Variants in LGALS3BP observed in about 807,000 individuals in gnomAD.
The protein encoded by LGALS3BP is galectin-3-binding protein.
A neutral mutation model predicts 22.9 loss-of-function variants in LGALS3BP; 25 were observed. The observed-to-expected ratio is 1.09, with a 90% CI of 0.80 to 1.53. LGALS3BP has a LOEUF of 1.53. LGALS3BP is among the 40% of genes most tolerant of loss of function. The pLI, the probability that LGALS3BP is intolerant of heterozygous loss-of-function variation, is 0.00. For synonymous variants in LGALS3BP, 335 were observed against 331.1 expected (o/e 1.01, Z -0.13); for missense variants, 718 against 752.0 (o/e 0.95, Z 0.53).
rs1448106281 is a variant in LGALS3BP at position 78,973,549 on chromosome 17, C to T, written c.377-327G>A. ...TTGGTGGTACTGACTCCGGAGCCCCCACTCCCCAGCCTTGGTCACCAATCA... is the reference window on the plus strand; with the variant it reads ...TTGGTGGTACTGACTCCGGAGCCCCTACTCCCCAGCCTTGGTCACCAATCA... On this transcript the variant is annotated intron_variant, in intron 4 of 5. Coordinates refer to ENST00000262776, the MANE Select transcript of LGALS3BP (RefSeq NM_005567.4). This position sits in a 1 kb window ranked among gnomAD's most constrained non-coding sequence, Gnocchi z 5.8. Among the ~76,000 whole-genome samples the T allele has an allele frequency of 1.3e-5, 2 of 152,162 alleles. No individual in the cohort carries two copies. The highest frequency in any genetic ancestry group is 1.9e-4 in the East Asian group (1 of 5,182).
At position 78,978,344 on chromosome 17, in the gene LGALS3BP, C is replaced by T. The variant is rs530036814; in HGVS notation, c.-23-1130G>A. On this transcript the variant is annotated intron_variant, in intron 1 of 5. Transcript: ENST00000262776. ...GCAGCTTTGCTCTGGGACTCGTGCT[C>T]GCTGGCACTGTGCAGCCACCCCTTG... Among the ~76,000 whole-genome samples, 40 of 152,338 alleles carry T rather than the reference C, an allele frequency of 2.6e-4. 1 individual carries two copies. In the South Asian group the frequency reaches 8.1e-3, roughly 31 times the overall value.
intron 4 of LGALS3BP, 60 bp downstream of exon 4, chr17:78,974,628 A>G: frequency 1.3e-6 from 2 of 1,566,186 alleles, no homozygotes; most frequent in Non-Finnish European, 1.7e-6. Context: ...TGGGAGGGGC[A>G]GGGGCCACGG....
Position 78,973,152 on chromosome 17 carries a change from G to C in LGALS3BP, c.447C>G (p.Ser149Arg), listed in dbSNP as rs150338779. The C allele has an allele frequency of 1.4e-4, 225 of 1,610,594 alleles. 2 individuals carry two copies. The African/African-American group carries it at 2.7e-3, about 19-fold the overall frequency. ...LSEALGQIFD[S>R]QRGCDLSISV... ...TGATGGACAGGTCGCAGCCCCGCTG[G>C]CTGTCAAAGATCTGGCCAAGGGCCT... The change falls in exon 5 of 6, where the codon AGC (serine) becomes AGG (arginine). Residue 149 changes from serine (S) to arginine (R), a missense_variant. Coordinates refer to ENST00000262776, the MANE Select transcript of LGALS3BP (RefSeq NM_005567.4). The surrounding 1 kb of genome is among the most constrained non-coding windows in gnomAD (Gnocchi z 5.8).
In LGALS3BP at chr17:78,972,857, T is replaced by C; in HGVS notation, c.629+113A>G. The stretch of plus-strand genomic sequence containing the variant: ...GTGAGTGCATGTGTGACTGCGTGTG[T>C]ACATGTGCATGCATGAGTATGTGCA... On this transcript the variant is annotated intron_variant, in intron 5 of 5. Transcript: ENST00000262776. The surrounding 1 kb of genome is among the most constrained non-coding windows in gnomAD (Gnocchi z 5.1). 1 of 1,444,766 alleles carries C rather than the reference T, an allele frequency of 6.9e-7. No individual in the cohort carries two copies. The highest frequency in any genetic ancestry group is 9.4e-7 in the Non-Finnish European group (1 of 1,069,440). The allele number at this position is 1,444,766 out of a possible 1,614,324, so 89.5% of individuals were successfully genotyped here.
rs534524282 is a variant in LGALS3BP at position 78,976,340 on chromosome 17, CT to C, written c.53-185del. On this transcript the variant is annotated intron_variant, in intron 2 of 5. Transcript: ENST00000262776. The surrounding 1 kb of genome is among the most constrained non-coding windows in gnomAD (Gnocchi z 4.6). ...GAGTGGAAGATACATACAGCCCCCC[CT>C]ACCCCGCAAGGAGGCCAAACTCGCC... Among the ~76,000 whole-genome samples the C allele has an allele frequency of 5.9e-3, 902 of 152,340 alleles. 8 individuals carry two copies. Among genetic ancestry groups the C allele is most frequent in the African/African-American group, 0.021 (872 of 41,576 alleles).
At chr17:78,974,169 C>G (rs1220819954) in intron 4 of LGALS3BP, among the ~76,000 whole-genome samples, 2 of 152,238 alleles carry the variant, frequency 1.3e-5, no homozygotes, top group Admixed American at 6.5e-5. Flanking sequence ...TTGTCACGTG[C>G]AAGCCCAGGA....
In LGALS3BP at chr17:78,971,944, G is replaced by A. The variant is rs776360050; in HGVS notation, c.1390C>T (p.Pro464Ser). The change falls in exon 6 of 6, where the codon CCA becomes TCA. Residue 464 changes from proline (P) to serine (S), a missense_variant. Transcript: ENST00000262776. This position sits in a 1 kb window ranked among gnomAD's most constrained non-coding sequence, Gnocchi z 5.6. Reference protein sequence around the residue: ...RYYPYQSFQTPQHPSFLFQDK... With the variant: ...RYYPYQSFQTSQHPSFLFQDK... Reference sequence around the variant, plus strand: ...TGGAAGAGGAAGCTGGGGTGTTGTGGAGTCTGGAAGGACTGGTAGGGGTAG... The same window carrying A: ...TGGAAGAGGAAGCTGGGGTGTTGTGAAGTCTGGAAGGACTGGTAGGGGTAG... 1.9e-6 allele frequency: 3 copies of A among 1,614,152 alleles called. No individual in the cohort carries two copies. Among genetic ancestry groups the A allele is most frequent in the East Asian group, 4.5e-5 (2 of 44,874 alleles).
In LGALS3BP at chr17:78,971,647, C is replaced by T; in HGVS notation, c.1687G>A (p.Ala563Thr). ...SKSTSSFPCP[A>T]GHFNGFRTVI... ...GTGCGGAAGCCGTTGAAGTGCCCTGCCGGGCAGGGGAAGGAGGAGGTGCTC... is the reference window on the plus strand; with the variant it reads ...GTGCGGAAGCCGTTGAAGTGCCCTGTCGGGCAGGGGAAGGAGGAGGTGCTC... Residue 563 changes from alanine (A) to threonine (T), a missense_variant, in exon 6 of 6, where the codon GCA becomes ACA. Transcript: ENST00000262776. This position sits in a 1 kb window ranked among gnomAD's most constrained non-coding sequence, Gnocchi z 5.6. 13 of 1,613,758 alleles carry T rather than the reference C, an allele frequency of 8.1e-6. No homozygotes were observed. Among genetic ancestry groups the T allele is most frequent in the Non-Finnish European group, 1.0e-5 (12 of 1,180,010 alleles).
In LGALS3BP at chr17:78,975,980, C is replaced by A; in HGVS notation, c.229G>T (p.Ala77Ser). Residue 77 changes from alanine to serine, a missense_variant, in exon 3 of 6, where the codon GCT becomes TCT. Ala to Ser is a moderately conservative substitution (Grantham distance 99). Coordinates refer to ENST00000262776, the MANE Select transcript of LGALS3BP (RefSeq NM_005567.4). ...CAGGCCCTACCTTGCCCGAAGGCAG[C>A]TCTGCCCAGAGCCTGGGTGGCGTTC... The part of the protein sequence containing the change: ...FENATQALGR[A>S]AFGQGSGPIM... The A allele has an allele frequency of 1.2e-6, 2 of 1,609,530 alleles. No individual in the cohort carries two copies. The highest frequency in any genetic ancestry group is 1.1e-5 in the South Asian group (1 of 90,316).
chr17:78,972,029 T>C lies in LGALS3BP; in HGVS notation c.1305A>G (p.Arg435=). 6.2e-7 allele frequency: 1 copy of C among 1,614,098 alleles called. No individual in the cohort carries two copies. Among genetic ancestry groups the C allele is most frequent in the South Asian group, 1.1e-5 (1 of 91,082 alleles). The change falls in exon 6 of 6, where the codon AGA becomes AGG. Residue 435 remains arginine, a synonymous_variant. Coordinates refer to ENST00000262776, the MANE Select transcript of LGALS3BP (RefSeq NM_005567.4). The surrounding 1 kb of genome is among the most constrained non-coding windows in gnomAD (Gnocchi z 5.1). ...ARKSQLVYQS[R]RGPLVKYSSD... ...AAGAATATTTGACCAAAGGCCCCCG[T>C]CTGGACTGATAGACCAGTTGTGACT... is the stretch of plus-strand genomic sequence containing the variant.
Position 78,971,731 on chromosome 17 carries a change from T to C in LGALS3BP, c.1603A>G (p.Thr535Ala), listed in dbSNP as rs2070672800. Residue 535 changes from threonine to alanine, a missense_variant, in exon 6 of 6, where the codon ACC (threonine) becomes GCC (alanine). Transcript: ENST00000262776. The surrounding 1 kb of genome is among the most constrained non-coding windows in gnomAD (Gnocchi z 5.6). ...LCEGLFVADV[T>A]DFEGWKAAIP... ...GCAGCCTTCCAGCCCTCGAAATCGGTGACGTCTGCCACGAAGAGCCCTTCG... is the reference window on the plus strand; with the variant it reads ...GCAGCCTTCCAGCCCTCGAAATCGGCGACGTCTGCCACGAAGAGCCCTTCG... 3.7e-6 allele frequency: 6 copies of C among 1,614,028 alleles called. No homozygotes were observed. Among genetic ancestry groups the C allele is most frequent in the East Asian group, 2.2e-5 (1 of 44,874 alleles).
At chr17:78,977,477 G>C in intron 1 of LGALS3BP, 1 of 410,044 alleles carries the variant, frequency 2.4e-6, no homozygotes, top group Non-Finnish European at 4.4e-6. Flanking sequence ...GCACCCCCTG[G>C]CAGTAAGGGC....
At chr17:78,978,292 C>T (rs2070737374) in intron 1 of LGALS3BP, among the ~76,000 whole-genome samples, 1 of 152,236 alleles carries the variant, frequency 6.6e-6, no homozygotes, top group African/African-American at 2.4e-5. Context: ...AACAAGCGCC[C>T]TGGGAGCTGG....
At position 78,976,291 on chromosome 17, in the gene LGALS3BP, A is replaced by C. The variant is rs928504476; in HGVS notation, c.53-135T>G. Reference sequence around the variant, plus strand: ...GGCTTCAAGGTCCCCTGGCCTCTCCATGAGGGGCACCTCCATGAGGGAGGA... The same window carrying C: ...GGCTTCAAGGTCCCCTGGCCTCTCCCTGAGGGGCACCTCCATGAGGGAGGA... On this transcript the variant is annotated intron_variant, in intron 2 of 5. Transcript: ENST00000262776. The surrounding 1 kb of genome is among the most constrained non-coding windows in gnomAD (Gnocchi z 4.6). The C allele has an allele frequency of 1.4e-6, 1 of 726,752 alleles. No individual in the cohort carries two copies. Among genetic ancestry groups the C allele is most frequent in the Non-Finnish European group, 2.2e-6 (1 of 463,160 alleles). 45.0% of individuals were successfully genotyped at this position (726,752 alleles called of 1,614,324 possible). A position where few individuals can be genotyped will look rare whatever the true frequency, so the allele number is the denominator to read the frequency against.
intron 3 of LGALS3BP, 192 bp from the exon 4 acceptor site, chr17:78,975,011 C>A (rs1259974253): frequency 7.3e-6 from 5 of 685,824 alleles, no homozygotes; most frequent in Non-Finnish European, 9.5e-6. Flanking sequence ...ATAAACTTAG[C>A]CTTCATGCTT....
At chr17:78,974,368 C>G (rs963629829) in intron 4 of LGALS3BP, among the ~76,000 whole-genome samples, 3 of 152,198 alleles carry the variant, frequency 2.0e-5, no homozygotes, top group Admixed American at 2.0e-4. Context: ...TCTGAGCGGA[C>G]GCTGGCATTT....
Position 78,973,971 on chromosome 17 carries a change from C to T in LGALS3BP, c.376+717G>A, listed in dbSNP as rs940124996. Among the ~76,000 whole-genome samples the T allele has an allele frequency of 2.6e-5, 4 of 152,350 alleles. No homozygotes were observed. The highest frequency in any genetic ancestry group is 3.9e-4 in the East Asian group (2 of 5,176). ...GGCCGTGCGCCCATGGCCCCGTGTGCTCCCCGCCGCCTCCCCTGGCCCCCG... is the reference window on the plus strand; with the variant it reads ...GGCCGTGCGCCCATGGCCCCGTGTGTTCCCCGCCGCCTCCCCTGGCCCCCG... On this transcript the variant is annotated intron_variant, in intron 4 of 5. Transcript: ENST00000262776. This position sits in a 1 kb window ranked among gnomAD's most constrained non-coding sequence, Gnocchi z 5.8.
Position 78,971,543 on chromosome 17 carries a change from T to A in LGALS3BP, c.*33A>T. 18 of 1,587,504 alleles carry A rather than the reference T, an allele frequency of 1.1e-5. No individual in the cohort carries two copies. The highest frequency in any genetic ancestry group is 1.5e-5 in the Non-Finnish European group (18 of 1,164,848). ...GCCTGCAGTGAGGGCGTCCTGGGGT[T>A]CTCCGGTTCTCACCACCCTTGGGCC... On this transcript the variant is annotated 3_prime_UTR_variant, in exon 6 of 6. Coordinates refer to ENST00000262776, the MANE Select transcript of LGALS3BP (RefSeq NM_005567.4). This position sits in a 1 kb window ranked among gnomAD's most constrained non-coding sequence, Gnocchi z 5.6.
chr17:78,976,115 T>C lies in LGALS3BP; in HGVS notation c.94A>G (p.Thr32Ala). Residue 32 changes from threonine (T) to alanine (A), a missense_variant, in exon 3 of 6, where the codon ACC becomes GCC. Coordinates refer to ENST00000262776, the MANE Select transcript of LGALS3BP (RefSeq NM_005567.4). This position sits in a 1 kb window ranked among gnomAD's most constrained non-coding sequence, Gnocchi z 4.6. Reference sequence around the variant, plus strand: ...AAGATCTCCACGCGGCCCTGGTTGGTGGCGCCCCCATCGGCCAGCCGCATG... The same window carrying C: ...AAGATCTCCACGCGGCCCTGGTTGGCGGCGCCCCCATCGGCCAGCCGCATG... ...GDMRLADGGA[T>A]NQGRVEIFYR... is the part of the protein sequence containing the mutation. 6.3e-7 allele frequency: 1 copy of C among 1,599,344 alleles called. No individual in the cohort carries two copies. The highest frequency in any genetic ancestry group is 8.5e-7 in the Non-Finnish European group (1 of 1,173,820).
Sources: allele counts gnomAD v4.1 joint callset (sites outside exome capture counted in the v4.1 genomes callset), GRCh38; gene constraint gnomAD v4.1.1; non-coding constraint Gnocchi (gnomAD v3.1); transcripts MANE v1.5; gene names NCBI Gene and HGNC (gene_info 2026-07-23, HGNC 2026-07-21).